NOD2: variants seen among roughly 807,000 people sequenced by gnomAD.
NOD2 encodes nucleotide binding oligomerization domain containing 2.
A neutral mutation model predicts 90.9 loss-of-function variants in NOD2; 86 were observed. The observed-to-expected ratio is 0.95, with a 90% CI of 0.79 to 1.13. NOD2 has a LOEUF of 1.13. NOD2 is among the 50% of genes most tolerant of loss of function. The pLI, the probability that NOD2 is intolerant of heterozygous loss-of-function variation, is 0.00. For missense variants in NOD2, 1,238 were observed against 1,283.8 expected (o/e 0.96, Z 0.55); for synonymous variants, 581 against 554.6 (o/e 1.05, Z -0.67).
rs751044848 is a variant in NOD2, at chr16:50,699,632, G to A, written c.137G>A (p.Gly46Asp). 18 of 1,614,114 alleles carry A rather than the reference G, an allele frequency of 1.1e-5. No homozygotes were observed. In the East Asian group the frequency reaches 3.8e-4, roughly 34 times the overall value. The part of the protein sequence containing the change: ...WEVLSWEDYE[G>D]FHLLGQPLSH... ...GTCCTCTCCTGGGAGGACTACGAGG[G>A]CTTCCACCTCCTGGGCCAGCCTCTC... is the stretch of plus-strand genomic sequence containing the variant. Residue 46 changes from glycine to aspartate, a missense_variant, in exon 2 of 12, where the codon GGC becomes GAC. By Grantham distance (94) the Gly-to-Asp change is moderately conservative. Around this residue, in one of 3 missense-constraint regions of NOD2, gnomAD observed 567 missense variants for 577.3 expected, o/e 0.98. Transcript: ENST00000647318.
Position 50,712,406 on chromosome 16 carries a change from G to A in NOD2, c.2381+33G>A, listed in dbSNP as rs774038440. Reference sequence around the variant, plus strand: ...TTACTGGGCATTGCTGTTCAGGTATGGGGGAGCACCATCAAGGCTAAGTGT... The same window carrying A: ...TTACTGGGCATTGCTGTTCAGGTATAGGGGAGCACCATCAAGGCTAAGTGT... On this transcript the variant is annotated intron_variant, in intron 4 of 11. Coordinates refer to ENST00000647318, the MANE Select transcript of NOD2 (RefSeq NM_001370466.1). 26 of 1,610,870 alleles carry A rather than the reference G, an allele frequency of 1.6e-5. 2 individuals carry two copies. In the Admixed American group the frequency reaches 3.0e-4, roughly 19 times the overall value.
intron 3 of NOD2, 54 bp from the exon 4 acceptor site, chr16:50,710,504 G>T: frequency 6.2e-7 from 1 of 1,612,594 alleles, no homozygotes. Flanking sequence ...TGTCTGGTTA[G>T]GTCCCGTCTT....
intron 10 of NOD2, among the ~76,000 whole-genome samples, chr16:50,729,607 A>C (rs1272394092): frequency 1.3e-5 from 2 of 152,220 alleles, no homozygotes; most frequent in Admixed American, 1.3e-4. Flanking sequence ...TGATAAACTC[A>C]TCTAGTGAAT....
rs755127265 is a variant in NOD2 at position 50,710,783 on chromosome 16, A to G, written c.791A>G (p.Asp264Gly). ...LFSTPGHLND[D>G]ADTVLVVGEA... The stretch of plus-strand genomic sequence containing the variant: ...AGCACCCCTGGCCACCTCAATGACG[A>G]TGCGGACACTGTGCTGGTGGTGGGT... The change falls in exon 4 of 12, where the codon GAT becomes GGT. Residue 264 changes from aspartate (D) to glycine (G), a missense_variant. Physicochemically the swap from Asp to Gly is moderately conservative, Grantham distance 94 (BLOSUM62 -1). Transcript: ENST00000647318. The G allele has an allele frequency of 3.7e-6, 6 of 1,613,970 alleles. No homozygotes were observed.
intron 11 of NOD2, 114 bp from the exon 12 acceptor site, chr16:50,731,632 TG>T: frequency 1.3e-6 from 1 of 766,536 alleles, no homozygotes; most frequent in Non-Finnish European, 2.3e-6. Flanking sequence ...ACACTGCAGC[TG>T]GGCCAGAGAG....
intron 2 of NOD2, 138 bp downstream of exon 2, chr16:50,700,092 A>T (rs1963870021): frequency 1.1e-5 from 8 of 757,950 alleles, no homozygotes; most frequent in Non-Finnish European, 1.8e-5. Flanking sequence ...CCAGGCAGGT[A>T]AAATTTGCTC....
intron 1 of NOD2, among the ~76,000 whole-genome samples, chr16:50,694,287 C>T (rs1963542545): frequency 6.6e-6 from 1 of 152,188 alleles, no homozygotes; most frequent in African/African-American, 2.4e-5. Context: ...CCTGCCATGG[C>T]CTTGGTTTCC....
chr16:50,695,865 G>A (rs986100506), intron 1 of NOD2, among the ~76,000 whole-genome samples: 2 of 152,128 alleles, frequency 1.3e-5, no homozygotes, highest in African/African-American at 4.8e-5. Flanking sequence ...AGAGGGAATG[G>A]GAGGGGATGG....
chr16:50,715,497 G>T (rs62029863), intron 4 of NOD2: 27,803 of 151,764 alleles, frequency 0.18, 3,294 homozygotes, highest in Middle Eastern at 0.28. Context: ...GCTCATGCAA[G>T]CTCTGCCTCC....
chr16:50,699,073 G>T (rs150247629), intron 1 of NOD2, among the ~76,000 whole-genome samples: 1 of 152,106 alleles, frequency 6.6e-6, no homozygotes, highest in African/African-American at 2.4e-5. Flanking sequence ...GATTACAGGC[G>T]CTCGCCACCA....
At chr16:50,697,530 C>T in intron 1 of NOD2, 1 of 646,498 alleles carries the variant, frequency 1.5e-6, no homozygotes, top group Admixed American at 2.1e-5. Flanking sequence ...GGTGTTTCCA[C>T]AGCTGAGAAC....
In NOD2 at chr16:50,732,133, T is replaced by C; in HGVS notation, c.*314T>C. The C allele has an allele frequency of 4.7e-6, 2 of 428,870 alleles. No homozygotes were observed. Among genetic ancestry groups the C allele is most frequent in the Non-Finnish European group, 8.8e-6 (2 of 227,606 alleles). The allele number at this position is 428,870 out of a possible 1,614,324, so 26.6% of individuals were successfully genotyped here. A position where few individuals can be genotyped will look rare whatever the true frequency, so the allele number is the denominator to read the frequency against. On this transcript the variant is annotated 3_prime_UTR_variant, in exon 12 of 12. Coordinates refer to ENST00000647318, the MANE Select transcript of NOD2 (RefSeq NM_001370466.1). ...CTCTGCTGATCCTCCCAGGCTTCCG[T>C]GTGGGTCAGTGGGGCCCATGGATGT...
intron 4 of NOD2, among the ~76,000 whole-genome samples, chr16:50,715,296 G>A (rs1247188996): frequency 6.6e-6 from 1 of 152,168 alleles, no homozygotes; most frequent in East Asian, 1.9e-4. Flanking sequence ...TGTTATTATT[G>A]AGAAGTGGTA....
intron 4 of NOD2, among the ~76,000 whole-genome samples, chr16:50,716,252 C>A (rs1449173458): frequency 2.0e-5 from 3 of 152,224 alleles, no homozygotes; most frequent in Non-Finnish European, 4.4e-5. Context: ...CCACCATCAT[C>A]CCCTTTGTGA....
At chr16:50,708,460 T>C (rs557013961) in intron 3 of NOD2, among the ~76,000 whole-genome samples, 1 of 151,958 alleles carries the variant, frequency 6.6e-6, no homozygotes, top group East Asian at 1.9e-4. Context: ...CCAGGCATCC[T>C]GCCAGGTGCT....
At chr16:50,708,238 T>C (rs1353472747) in intron 3 of NOD2, among the ~76,000 whole-genome samples, 5 of 152,226 alleles carry the variant, frequency 3.3e-5, no homozygotes, top group African/African-American at 1.2e-4. Context: ...CTAAAGGTGT[T>C]ACTTACCATC....
chr16:50,709,866 A>T (rs1218509203), intron 3 of NOD2: 1 of 435,586 alleles, frequency 2.3e-6, no homozygotes, highest in African/African-American at 2.0e-5. Context: ...GCCATGTCAG[A>T]TATTCTTTTA....
chr16:50,713,417 C>G (rs939181609), intron 4 of NOD2: 4 of 152,152 alleles, frequency 2.6e-5, no homozygotes, highest in Non-Finnish European at 4.4e-5. Flanking sequence ...CCACTAGAAA[C>G]TGTGTAGTGA....
intron 2 of NOD2, among the ~76,000 whole-genome samples, chr16:50,703,421 C>G (rs892063506): frequency 6.6e-6 from 1 of 152,104 alleles, no homozygotes; most frequent in African/African-American, 2.4e-5. Flanking sequence ...AGGTGGATCA[C>G]AAGGTCAGGA....
Sources: gnomAD v4.1 joint callset for allele counts (sites outside exome capture counted in the v4.1 genomes callset) on GRCh38, gnomAD v4.1.1 for gene constraint, gnomAD v4.1.1 regional missense constraint, MANE v1.5 for transcripts, NCBI Gene and HGNC (gene_info 2026-07-23, HGNC 2026-07-21) for gene names.